KAZN: variants seen among roughly 807,000 people sequenced by gnomAD.
KAZN encodes the protein kazrin.
In KAZN, 40 loss-of-function variants were observed where a neutral mutation model predicts 87.4. The ratio of observed to expected loss-of-function variants is 0.46; its 90% CI spans 0.36 to 0.60. KAZN has a LOEUF of 0.60. Ranked by LOEUF, KAZN falls within the 20% of genes least tolerant of loss-of-function variation. The probability of loss-of-function intolerance (pLI) is 0.00; values close to 1 mark genes in which losing one functional copy is unlikely to be tolerated. For missense variants in KAZN, 898 were observed against 1,073.9 expected (o/e 0.84, Z 2.29); for synonymous variants, 466 against 458.3 (o/e 1.02, Z -0.22).
intron 1 of KAZN, among the ~76,000 whole-genome samples, chr1:14,880,194 A>G (rs1471300883): frequency 2.0e-5 from 3 of 152,186 alleles, no homozygotes; most frequent in Admixed American, 6.5e-5. Context: ...AATGGCAACT[A>G]TACTAGCAAC....
intron 1 of KAZN, among the ~76,000 whole-genome samples, chr1:14,866,153 T>G (rs1651431076): frequency 7.3e-6 from 1 of 136,832 alleles, no homozygotes; most frequent in Non-Finnish European, 1.6e-5. Context: ...TGCTGTTCCC[T>G]CTGCCTGGAA....
intron 8 of KAZN, among the ~76,000 whole-genome samples, chr1:15,089,728 T>C (rs939037023): frequency 8.9e-6 from 1 of 112,974 alleles, no homozygotes; most frequent in Non-Finnish European, 1.7e-5. Flanking sequence ...GAAGCTTTTA[T>C]TGGCAAAAAA....
chr1:14,887,491 C>A (rs1415597798), intron 1 of KAZN, among the ~76,000 whole-genome samples: 3 of 152,218 alleles, frequency 2.0e-5, no homozygotes, highest in African/African-American at 7.2e-5. Flanking sequence ...CAGCCCCAAA[C>A]AAACTTGACA....
At chr1:13,978,048 A>T (rs1374660552) in intron 1 of KAZN, among the ~76,000 whole-genome samples, 1 of 149,654 alleles carries the variant, frequency 6.7e-6, no homozygotes, top group African/African-American at 2.5e-5. Flanking sequence ...GAATGGCGTG[A>T]ACCTGGGAGG....
chr1:14,761,791 A>C (rs1225024588), intron 1 of KAZN, among the ~76,000 whole-genome samples: 1 of 152,184 alleles, frequency 6.6e-6, no homozygotes, highest in East Asian at 1.9e-4. Context: ...TTTCAAGGCT[A>C]AAAACACCAA....
intron 1 of KAZN, among the ~76,000 whole-genome samples, chr1:13,937,045 TC>T (rs1268109027): frequency 2.2e-5 from 3 of 137,760 alleles, no homozygotes; most frequent in African/African-American, 8.4e-5. Flanking sequence ...ACTTTTTTTT[TC>T]TTTTGTTTTT....
At chr1:13,963,195 AG>A (rs1641819761) in intron 1 of KAZN, among the ~76,000 whole-genome samples, 1 of 151,844 alleles carries the variant, frequency 6.6e-6, no homozygotes, top group South Asian at 2.1e-4. Flanking sequence ...AGGAGATGGG[AG>A]ATTTTGTGGA....
intron 4 of KAZN, among the ~76,000 whole-genome samples, chr1:15,045,787 G>A (rs781746525): frequency 1.3e-5 from 2 of 152,122 alleles, no homozygotes; most frequent in Admixed American, 6.5e-5. Context: ...GAATGCAGAG[G>A]AACTACCACA....
intron 2 of KAZN, among the ~76,000 whole-genome samples, chr1:14,242,893 C>A (rs947698753): frequency 6.6e-6 from 1 of 152,162 alleles, no homozygotes; most frequent in South Asian, 2.1e-4. Flanking sequence ...ACAACAAAAA[C>A]CAGCCACAGA....
At position 14,297,363 on chromosome 1, in the gene KAZN, G is replaced by C. The variant is rs147385684; in HGVS notation, c.249+116771G>C. Reference sequence around the variant, plus strand: ...CTGTCTTATCAGAAAAGCAAAAACTGATTTTCGTTAGTCTCATTGGCCAGA... The same window carrying C: ...CTGTCTTATCAGAAAAGCAAAAACTCATTTTCGTTAGTCTCATTGGCCAGA... On this transcript the variant is annotated intron_variant, in intron 2 of 16. Transcript: ENST00000636203. Among the ~76,000 whole-genome samples, 9 of 152,338 alleles carry C rather than the reference G, an allele frequency of 5.9e-5. No homozygotes were observed. The East Asian group carries it at 1.7e-3, about 29-fold the overall frequency.
chr1:14,323,155 G>GA (rs143036599), intron 2 of KAZN, among the ~76,000 whole-genome samples: 13,420 of 152,126 alleles, frequency 0.088, 668 homozygotes, highest in African/African-American at 0.14. Context: ...GGATTATGGG[G>GA]ATTACAATTC....
chr1:14,576,066 C>A (rs933306493), intron 2 of KAZN, among the ~76,000 whole-genome samples: 4 of 152,160 alleles, frequency 2.6e-5, no homozygotes, highest in Non-Finnish European at 4.4e-5. Flanking sequence ...AAAAAGAGCC[C>A]ATAACTTGGA....
intron 1 of KAZN, among the ~76,000 whole-genome samples, chr1:14,010,081 C>T (rs929488748): frequency 6.6e-6 from 1 of 152,114 alleles, no homozygotes; most frequent in Non-Finnish European, 1.5e-5. Context: ...ATCATCTGTG[C>T]TATTATCTAA....
chr1:14,599,724 C>G lies in KAZN; in HGVS notation c.226+501C>G, dbSNP rs527255681. Among the ~76,000 whole-genome samples, 1 of 152,174 alleles carries G rather than the reference C, an allele frequency of 6.6e-6. No individual in the cohort carries two copies. The highest frequency in any genetic ancestry group is 2.4e-5 in the African/African-American group (1 of 41,446). ...GCCAAATCCCTTGGCTCAGTTGCAT[C>G]TGGACTTTATTTTCTTCTCATTTGA... On this transcript the variant is annotated intron_variant, in intron 1 of 14. Transcript: ENST00000376030. This position sits in a 1 kb window ranked among gnomAD's most constrained non-coding sequence, Gnocchi z 4.4.
chr1:14,712,278 A>T (rs1172693733), intron 1 of KAZN, among the ~76,000 whole-genome samples: 5 of 152,158 alleles, frequency 3.3e-5, no homozygotes, highest in Admixed American at 2.6e-4. Context: ...TGTGAGATTC[A>T]TCTGTGCCTG....
At chr1:14,523,705 C>T (rs866610798) in intron 2 of KAZN, among the ~76,000 whole-genome samples, 2 of 152,172 alleles carry the variant, frequency 1.3e-5, no homozygotes, top group African/African-American at 2.4e-5. Flanking sequence ...AGTGTTCCCA[C>T]GCAGGTGACA....
chr1:14,514,397 T>TA (rs1553182466), intron 2 of KAZN, among the ~76,000 whole-genome samples: 280 of 10,132 alleles, frequency 0.028, 43 homozygotes, highest in African/African-American at 0.064. Flanking sequence ...TTATATATAT[T>TA]TATATATATA....
At chr1:15,112,240 TGTG>T in intron 13 of KAZN, 184 bp from the exon 14 acceptor site, 1 of 596,482 alleles carries the variant, frequency 1.7e-6, no homozygotes. Flanking sequence ...CCAGGCATGT[TGTG>T]AGAATCACGC....
chr1:15,089,767 A>G (rs934084286), intron 8 of KAZN, among the ~76,000 whole-genome samples: 1 of 146,890 alleles, frequency 6.8e-6, no homozygotes, highest in Non-Finnish European at 1.5e-5. Flanking sequence ...AAAAAAGAGA[A>G]GTTCACATAA....
Sources: allele counts gnomAD v4.1 joint callset (sites outside exome capture counted in the v4.1 genomes callset), GRCh38; gene constraint gnomAD v4.1.1; non-coding constraint Gnocchi (gnomAD v3.1); transcripts MANE v1.5; gene names NCBI Gene and HGNC (gene_info 2026-07-23, HGNC 2026-07-21).